NIPSNAP2: variants seen among roughly 807,000 people sequenced by gnomAD.
The protein encoded by NIPSNAP2 is nipsnap homolog 2.
NIPSNAP2 carries 42 observed loss-of-function variants against 48.4 expected under a neutral mutation model. The ratio of observed to expected loss-of-function variants is 0.87; its 90% CI spans 0.68 to 1.12. The LOEUF is 1.12. Among genes scored for constraint, NIPSNAP2 ranks in the 50% most tolerant of loss-of-function variants. NIPSNAP2 has a pLI of 0.00. For synonymous variants in NIPSNAP2, 158 were observed against 126.6 expected, an observed-to-expected ratio of 1.25 and a Z score of -1.67; for missense variants, 314 against 347.3, an observed-to-expected ratio of 0.90 and a Z score of 0.76.
At chr7:55,981,409 G>T in intron 3 of NIPSNAP2, 64 bp from the exon 4 acceptor site, 2 of 1,117,170 alleles carry the variant, frequency 1.8e-6, no homozygotes, top group Non-Finnish European at 2.7e-6. Flanking sequence ...TACTGATCAG[G>T]TGCTGTCCAC....
At position 55,999,192 on chromosome 7, in the gene NIPSNAP2, T is replaced by G; in HGVS notation, c.*120T>G. 1.3e-6 allele frequency: 1 copy of G among 768,194 alleles called. No individual in the cohort carries two copies. The highest frequency in any genetic ancestry group is 2.2e-6 in the Non-Finnish European group (1 of 451,134). The allele number at this position is 768,194 out of a possible 1,614,324, so 47.6% of individuals were successfully genotyped here. On this transcript the variant is annotated 3_prime_UTR_variant, in exon 10 of 10. Coordinates refer to ENST00000322090, the MANE Select transcript of NIPSNAP2 (RefSeq NM_001483.3). ...AGGTTTTAAGCTGCTGTATATAGCT[T>G]GTGAGAAACCTCTTTTCTTTAAAAT...
chr7:55,970,582 G>T lies in NIPSNAP2; in HGVS notation c.92+5881G>T, dbSNP rs918207396. On this transcript the variant is annotated intron_variant, in intron 1 of 9. Transcript: ENST00000322090. ...CCACCTCGGCCTCTCAAAGTGCTGG[G>T]ATTACAGGCATGAGGCACTGCGCTT... 4.8e-4 allele frequency among the ~76,000 whole-genome samples: 73 copies of T among 152,170 alleles called. 1 individual carries two copies. The highest frequency in any genetic ancestry group is 1.6e-3 in the African/African-American group (68 of 41,526).
intron 1 of NIPSNAP2, among the ~76,000 whole-genome samples, chr7:55,969,688 AAC>A (rs1786973421): frequency 6.6e-6 from 1 of 152,126 alleles, no homozygotes; most frequent in African/African-American, 2.4e-5. Context: ...GTCTGTAAAT[AAC>A]AGTGATCATA....
intron 1 of NIPSNAP2, among the ~76,000 whole-genome samples, chr7:55,976,963 C>G (rs1259385168): frequency 4.6e-5 from 7 of 152,076 alleles, no homozygotes; most frequent in Non-Finnish European, 8.8e-5. Context: ...TCCTCACTTT[C>G]TGAAAGCATT....
chr7:55,985,772 G>T (rs956998558), intron 7 of NIPSNAP2, among the ~76,000 whole-genome samples: 2 of 150,248 alleles, frequency 1.3e-5, no homozygotes, highest in Non-Finnish European at 1.5e-5. Flanking sequence ...AAAAGTCCGG[G>T]CATGTTGGCT....
At chr7:55,968,896 A>G (rs1199611187) in intron 1 of NIPSNAP2, among the ~76,000 whole-genome samples, 1 of 151,826 alleles carries the variant, frequency 6.6e-6, no homozygotes, top group East Asian at 1.9e-4. Context: ...TAACTACAAC[A>G]TTTAGCAGGG....
chr7:55,974,765 G>A (rs1787075925), intron 1 of NIPSNAP2, among the ~76,000 whole-genome samples: 6 of 150,924 alleles, frequency 4.0e-5, no homozygotes, highest in Admixed American at 3.3e-4. Context: ...GGAGAATGGC[G>A]TGAACCTGGG....
chr7:55,997,853 ATAAAT>A (rs1194907059), intron 9 of NIPSNAP2, among the ~76,000 whole-genome samples: 4 of 152,204 alleles, frequency 2.6e-5, no homozygotes, highest in South Asian at 2.1e-4. Flanking sequence ...TTGAAATTAG[ATAAAT>A]TAAACTTCCT....
rs777773662 is a variant in NIPSNAP2, at chr7:55,982,229, A to G, written c.393A>G (p.Glu131=). ...TTTCAGTCCACCTCTGGAGGTATGA[A>G]GGAGGCTATCCAGCCCTCACAGAAG... The part of the protein sequence containing the change: ...QDQAVHLWRY[E]GGYPALTEVM... The change falls in exon 5 of 10, where the codon GAA becomes GAG. Residue 131 remains glutamate, a synonymous_variant. Coordinates refer to ENST00000322090, the MANE Select transcript of NIPSNAP2 (RefSeq NM_001483.3). 1.2e-6 allele frequency: 2 copies of G among 1,609,274 alleles called. No individual in the cohort carries two copies. Among genetic ancestry groups the G allele is most frequent in the Non-Finnish European group, 8.5e-7 (1 of 1,175,856 alleles).
chr7:55,995,874 C>T (rs1787552265), intron 8 of NIPSNAP2, among the ~76,000 whole-genome samples: 2 of 152,112 alleles, frequency 1.3e-5, no homozygotes, highest in African/African-American at 4.8e-5. Flanking sequence ...CACAGAGCAA[C>T]AGCAAGTTGA....
At chr7:55,996,091 C>G (rs923309976) in intron 8 of NIPSNAP2, among the ~76,000 whole-genome samples, 2 of 152,222 alleles carry the variant, frequency 1.3e-5, no homozygotes, top group Non-Finnish European at 2.9e-5. Flanking sequence ...AGTTAAGAGA[C>G]CAGCCTGACC....
chr7:55,993,600 C>T (rs1012700423), intron 7 of NIPSNAP2, among the ~76,000 whole-genome samples: 13 of 148,050 alleles, frequency 8.8e-5, no homozygotes, highest in African/African-American at 2.7e-4. Context: ...AAAAGCCGAG[C>T]GTGATGTCAT....
At chr7:55,990,934 TGCACC>T (rs1787431807) in intron 7 of NIPSNAP2, among the ~76,000 whole-genome samples, 1 of 151,970 alleles carries the variant, frequency 6.6e-6, no homozygotes, top group Admixed American at 6.6e-5. Flanking sequence ...ATTACAGGCG[TGCACC>T]GCCACACCTG....
chr7:55,977,663 A>G (rs74844307), intron 1 of NIPSNAP2, among the ~76,000 whole-genome samples: 6,687 of 152,248 alleles, frequency 0.044, 178 homozygotes, highest in Admixed American at 0.062. Context: ...CACCATTTTA[A>G]CCATTTTAAG....
intron 1 of NIPSNAP2, among the ~76,000 whole-genome samples, chr7:55,973,001 G>A (rs538980080): frequency 6.6e-6 from 1 of 152,192 alleles, no homozygotes; most frequent in East Asian, 1.9e-4. Context: ...CTACTTGGGA[G>A]GGGTTGAGAC....
chr7:55,979,934 G>C (rs1490229740), intron 3 of NIPSNAP2: 1 of 445,096 alleles, frequency 2.2e-6, no homozygotes, highest in Non-Finnish European at 4.5e-6. Context: ...CAGCAAAGAG[G>C]AGTGGCTACA....
At chr7:55,987,005 A>G (rs990502286) in intron 7 of NIPSNAP2, among the ~76,000 whole-genome samples, 8 of 143,756 alleles carry the variant, frequency 5.6e-5, no homozygotes, top group Non-Finnish European at 1.1e-4. Context: ...AAAAAAAAAA[A>G]AAAAACTTGC....
chr7:55,969,455 C>T (rs1786968208), intron 1 of NIPSNAP2, among the ~76,000 whole-genome samples: 1 of 152,220 alleles, frequency 6.6e-6, no homozygotes, highest in Non-Finnish European at 1.5e-5. Flanking sequence ...TGCTCCTCTT[C>T]TTTCCAGTCT....
Position 55,980,796 on chromosome 7 carries a change from C to A in NIPSNAP2, c.279-677C>A, listed in dbSNP as rs143245345. On this transcript the variant is annotated intron_variant, in intron 3 of 9. Coordinates refer to ENST00000322090, the MANE Select transcript of NIPSNAP2 (RefSeq NM_001483.3). ...GTGTTCGGTGCGAGACTACGTGACA[C>A]CCCTCCCATCCCCTTGGCCCATTGA... 9.6e-4 allele frequency: 147 copies of A among 152,406 alleles called. 1 individual carries two copies. In the Middle Eastern group the frequency reaches 0.01, roughly 11 times the overall value. The allele number at this position is 152,406 out of a possible 1,614,324, so 9.4% of individuals were successfully genotyped here. A position where few individuals can be genotyped will look rare whatever the true frequency, so the allele number is the denominator to read the frequency against.
Sources: gnomAD v4.1 joint callset for allele counts (sites outside exome capture counted in the v4.1 genomes callset) on GRCh38, gnomAD v4.1.1 for gene constraint, MANE v1.5 for transcripts, NCBI Gene and HGNC (gene_info 2026-07-23, HGNC 2026-07-21) for gene names.